Variants in RASA3 observed in about 807,000 individuals in gnomAD.
RASA3 encodes RAS p21 protein activator 3, also known as ras GTPase-activating protein 3.
A neutral mutation model predicts 110.0 loss-of-function variants in RASA3; 73 were observed. The ratio of observed to expected loss-of-function variants is 0.66; its 90% CI spans 0.55 to 0.81. RASA3 has a LOEUF of 0.81. Among genes scored for constraint, RASA3 ranks in the 30% least tolerant of loss-of-function variants. The pLI, the probability that RASA3 is intolerant of heterozygous loss-of-function variation, is 0.00. For missense variants in RASA3, 976 were observed against 1,113.2 expected, an observed-to-expected ratio of 0.88 and a Z score of 1.75; for synonymous variants, 500 against 451.4, an observed-to-expected ratio of 1.11 and a Z score of -1.37.
intron 1 of RASA3, among the ~76,000 whole-genome samples, chr13:114,105,364 C>CA (rs1566577736): frequency 4.4e-4 from 67 of 152,204 alleles, no homozygotes; most frequent in African/African-American, 1.5e-3. Context: ...GGCAGGTTCA[C>CA]AGCAGCAGTG....
intron 1 of RASA3, among the ~76,000 whole-genome samples, chr13:114,097,698 C>G (rs923869323): frequency 6.6e-4 from 100 of 152,372 alleles, no homozygotes; most frequent in African/African-American, 2.4e-3. Flanking sequence ...AATGGCTCCC[C>G]TCTGCAGGGC....
chr13:114,095,684 AG>A (rs2079933173), intron 1 of RASA3, among the ~76,000 whole-genome samples: 1 of 151,922 alleles, frequency 6.6e-6, no homozygotes. Flanking sequence ...GGCTCAGGAG[AG>A]GCACTCTGAG....
chr13:114,013,508 T>C (rs80336343), intron 14 of RASA3, among the ~76,000 whole-genome samples: 27 of 127,428 alleles, frequency 2.1e-4, no homozygotes, highest in Non-Finnish European at 3.1e-4. Context: ...TCTCTCCCTC[T>C]ATTTGTCTCT....
chr13:114,079,023 A>G (rs1274853116), intron 1 of RASA3, among the ~76,000 whole-genome samples: 1 of 152,260 alleles, frequency 6.6e-6, no homozygotes, highest in Admixed American at 6.5e-5. Flanking sequence ...GTACTGCTCA[A>G]CACAGCAGCG....
In RASA3 at chr13:113,979,462, C is replaced by T. The variant is rs754009559; in HGVS notation, c.2430-40G>A. On this transcript the variant is annotated intron_variant, in intron 23 of 23. Coordinates refer to ENST00000334062, the MANE Select transcript of RASA3 (RefSeq NM_007368.4). ...GGGAGAGGGAATGAGGCACAGACCC[C>T]GTTGCCTGGTGCTCACCCGTGGCTG... is the stretch of plus-strand genomic sequence containing the variant. The T allele has an allele frequency of 1.3e-5, 20 of 1,499,876 alleles. No homozygotes were observed. The East Asian group carries it at 1.6e-4, about 12-fold the overall frequency. 92.9% of individuals were successfully genotyped at this position (1,499,876 alleles called of 1,614,324 possible).
At chr13:114,030,716 CTG>C (rs917077183) in intron 4 of RASA3, among the ~76,000 whole-genome samples, 34 of 152,272 alleles carry the variant, frequency 2.2e-4, no homozygotes, top group African/African-American at 8.2e-4. Context: ...GTGCGTACAA[CTG>C]TGTGTCTGCC....
chr13:114,067,384 T>C (rs921639820), intron 2 of RASA3, among the ~76,000 whole-genome samples: 3 of 152,246 alleles, frequency 2.0e-5, no homozygotes, highest in Non-Finnish European at 4.4e-5. Flanking sequence ...TTGTTTAAGC[T>C]CTAACTTGAG....
At chr13:114,041,161 A>C (rs1170519708) in intron 3 of RASA3, 67 bp from the exon 4 acceptor site, 6 of 1,331,056 alleles carry the variant, frequency 4.5e-6, no homozygotes, top group East Asian at 2.3e-5. Flanking sequence ...CTGTGAGCAG[A>C]AGCCAGCCCA....
chr13:114,093,719 C>T (rs552897653), intron 1 of RASA3, among the ~76,000 whole-genome samples: 1 of 152,182 alleles, frequency 6.6e-6, no homozygotes, highest in East Asian at 1.9e-4. Flanking sequence ...TCCCATAGAT[C>T]TTGTAAGCTT....
At chr13:113,994,553 C>T (rs7321665) in intron 21 of RASA3, among the ~76,000 whole-genome samples, 107,511 of 152,088 alleles carry the variant, frequency 0.71, 38,844 homozygotes, top group African/African-American at 0.87. Flanking sequence ...TCCCAGCACT[C>T]TGGGAGGCCG....
rs201032628 is a variant in RASA3, at chr13:113,981,659, C to A, written c.2429+16G>T. On this transcript the variant is annotated intron_variant, in intron 23 of 23. Coordinates refer to ENST00000334062, the MANE Select transcript of RASA3 (RefSeq NM_007368.4). ...CTACACTGGCCGTCCAGGGCAGGCA[C>A]GGGAGTGGCACTCACTGGCTTCCAT... 1.2e-6 allele frequency: 2 copies of A among 1,612,626 alleles called. No homozygotes were observed. Among genetic ancestry groups the A allele is most frequent in the South Asian group, 1.1e-5 (1 of 90,898 alleles).
intron 2 of RASA3, among the ~76,000 whole-genome samples, chr13:114,052,912 G>A (rs375095723): frequency 3.1e-5 from 4 of 128,080 alleles, no homozygotes; most frequent in Non-Finnish European, 3.5e-5. Flanking sequence ...GCTCCTGGGG[G>A]AGAGACCCCC....
At chr13:114,127,678 C>G (rs915159109) in intron 1 of RASA3, among the ~76,000 whole-genome samples, 15 of 152,158 alleles carry the variant, frequency 9.9e-5, no homozygotes, top group African/African-American at 3.6e-4. Flanking sequence ...GAAGTTGAAG[C>G]AGGAAGATCC....
At chr13:114,039,575 G>A (rs1174390209) in intron 4 of RASA3, among the ~76,000 whole-genome samples, 1 of 152,232 alleles carries the variant, frequency 6.6e-6, no homozygotes, top group Non-Finnish European at 1.5e-5. Flanking sequence ...CCAGGGTTGG[G>A]CCACGGTGCC....
chr13:114,028,280 G>A (rs1226066646), intron 5 of RASA3, among the ~76,000 whole-genome samples: 38 of 150,602 alleles, frequency 2.5e-4, no homozygotes, highest in African/African-American at 5.1e-4. Context: ...CTGGGAGCCA[G>A]GACCCCTAAA....
At position 114,017,427 on chromosome 13, in the gene RASA3, G is replaced by A. The variant is rs866660186; in HGVS notation, c.1092-76C>T. On this transcript the variant is annotated intron_variant, in intron 11 of 23. Transcript: ENST00000334062. ...CAGACGGAGCAGAGCCTGGCCCCGA[G>A]CACCTGCCTGTGGGCTGTGAGGTCA... 8 of 1,138,966 alleles carry A rather than the reference G, an allele frequency of 7.0e-6. 3 individuals carry two copies. The Middle Eastern group carries it at 2.0e-3, about 278-fold the overall frequency. The allele number at this position is 1,138,966 out of a possible 1,614,324, so 70.6% of individuals were successfully genotyped here. A position where few individuals can be genotyped will look rare whatever the true frequency, so the allele number is the denominator to read the frequency against.
In RASA3 at chr13:113,996,542, C is replaced by T. The variant is rs150892845; in HGVS notation, c.2130G>A (p.Ser710=). Residue 710 remains serine (S), a synonymous_variant, in exon 21 of 24, where the codon TCG becomes TCA. Coordinates refer to ENST00000334062, the MANE Select transcript of RASA3 (RefSeq NM_007368.4). ...AGGCACAGACCTACCCAGTGCAGGG[C>T]GAGCAGCCCGGAGCCGAGTCGGATG... The part of the protein sequence containing the change: ...RAPSDSAPGC[S]PCTGGLPANI... 15 of 1,612,112 alleles carry T rather than the reference C, an allele frequency of 9.3e-6. No individual in the cohort carries two copies. The highest frequency in any genetic ancestry group is 2.2e-5 in the East Asian group (1 of 44,882).
chr13:114,053,591 CA>C (rs2079190215), intron 2 of RASA3, among the ~76,000 whole-genome samples: 1 of 152,234 alleles, frequency 6.6e-6, no homozygotes, highest in Non-Finnish European at 1.5e-5. Flanking sequence ...ACCAACGGCA[CA>C]GGCCCCACCC....
At chr13:114,110,461 G>A (rs973530613) in intron 1 of RASA3, among the ~76,000 whole-genome samples, 5 of 152,200 alleles carry the variant, frequency 3.3e-5, no homozygotes, top group African/African-American at 1.2e-4. Flanking sequence ...GGACGGCACC[G>A]TGCCTGCGGC....
Sources: gnomAD v4.1 joint callset for allele counts (sites outside exome capture counted in the v4.1 genomes callset) on GRCh38, gnomAD v4.1.1 for gene constraint, MANE v1.5 for transcripts, NCBI Gene and HGNC (gene_info 2026-07-23, HGNC 2026-07-21) for gene names.